Variants in ASTN2 observed in about 807,000 individuals in gnomAD.
The protein encoded by ASTN2 is astrotactin 2.
In ASTN2, 54 loss-of-function variants were observed where a neutral mutation model predicts 139.8. The ratio of observed to expected loss-of-function variants is 0.39; its 90% confidence interval spans 0.31 to 0.48. The LOEUF (loss-of-function observed/expected upper bound fraction) is 0.48, where lower values mean the gene tolerates loss of function less well. ASTN2 is among the 20% of genes least tolerant of loss of function. The pLI, the probability that ASTN2 is intolerant of heterozygous loss-of-function variation, is 0.95. For synonymous variants in ASTN2, 756 were observed against 719.5 expected (o/e 1.05, Z -0.81); for missense variants, 1,565 against 1,725.1 (o/e 0.91, Z 1.64).
intron 5 of ASTN2, among the ~76,000 whole-genome samples, chr9:117,084,474 G>A (rs925608250): frequency 8.5e-5 from 13 of 152,184 alleles, no homozygotes; most frequent in Admixed American, 2.0e-4. Context: ...GGAGCCAACC[G>A]AAACCCAATT....
chr9:117,251,164 A>G (rs1044182250), intron 2 of ASTN2, among the ~76,000 whole-genome samples: 3 of 152,192 alleles, frequency 2.0e-5, no homozygotes, highest in African/African-American at 7.2e-5. Flanking sequence ...CAAGGTCACA[A>G]ATGGAAAGCA....
At chr9:116,560,312 G>C (rs1852840110) in intron 19 of ASTN2, among the ~76,000 whole-genome samples, 1 of 152,172 alleles carries the variant, frequency 6.6e-6, no homozygotes, top group South Asian at 2.1e-4. Flanking sequence ...CTTCATGCCA[G>C]GCACTTTTCT....
At chr9:116,435,903 C>G (rs948763662) in intron 22 of ASTN2, among the ~76,000 whole-genome samples, 1 of 151,946 alleles carries the variant, frequency 6.6e-6, no homozygotes, top group African/African-American at 2.4e-5. Context: ...TCAGACCTAA[C>G]CCAGACTACT....
chr9:117,043,622 A>G (rs1028489791), intron 5 of ASTN2, among the ~76,000 whole-genome samples: 4 of 152,138 alleles, frequency 2.6e-5, no homozygotes, highest in Admixed American at 6.5e-5. Flanking sequence ...AAGAGTCAAC[A>G]TGATGGCTGG....
At chr9:117,047,949 T>A (rs1194519876) in intron 5 of ASTN2, among the ~76,000 whole-genome samples, 1 of 152,130 alleles carries the variant, frequency 6.6e-6, no homozygotes, top group Non-Finnish European at 1.5e-5. Context: ...CAGTATCTCA[T>A]CTAATCTTTA....
At chr9:116,566,774 G>A (rs1261025254) in intron 19 of ASTN2, among the ~76,000 whole-genome samples, 1 of 152,150 alleles carries the variant, frequency 6.6e-6, no homozygotes, top group Non-Finnish European at 1.5e-5. Flanking sequence ...AGCCCATTCT[G>A]GGAGATACAG....
intron 2 of ASTN2, among the ~76,000 whole-genome samples, chr9:117,282,335 T>C (rs1220452376): frequency 6.6e-6 from 1 of 152,246 alleles, no homozygotes; most frequent in African/African-American, 2.4e-5. Context: ...TTATTCTGCA[T>C]TGTGCTTTGG....
At chr9:116,840,289 C>T (rs1374518791) in intron 11 of ASTN2, among the ~76,000 whole-genome samples, 2 of 151,108 alleles carry the variant, frequency 1.3e-5, no homozygotes, top group East Asian at 4.1e-4. Context: ...TCTACACAGA[C>T]ACGGCAACCA....
At chr9:116,555,658 G>T (rs986006943) in intron 19 of ASTN2, among the ~76,000 whole-genome samples, 1 of 152,128 alleles carries the variant, frequency 6.6e-6, no homozygotes, top group African/African-American at 2.4e-5. Context: ...CAGCTCTGGA[G>T]AAGGAAGGAA....
intron 3 of ASTN2, among the ~76,000 whole-genome samples, chr9:117,189,603 T>C (rs908016029): frequency 3.3e-5 from 5 of 152,226 alleles, no homozygotes; most frequent in Non-Finnish European, 7.3e-5. Context: ...ATATATGATT[T>C]CCTTAATTCT....
intron 5 of ASTN2, among the ~76,000 whole-genome samples, chr9:117,049,323 A>T (rs1838846182): frequency 6.6e-6 from 1 of 152,128 alleles, no homozygotes; most frequent in East Asian, 1.9e-4. Flanking sequence ...TCCCTCTTAA[A>T]GCACCCAAGT....
intron 4 of ASTN2, among the ~76,000 whole-genome samples, chr9:117,120,777 A>T (rs1829538399): frequency 6.6e-6 from 1 of 152,238 alleles, no homozygotes; most frequent in Non-Finnish European, 1.5e-5. Context: ...AACTAAAACT[A>T]AAGTCTCATC....
intron 13 of ASTN2, among the ~76,000 whole-genome samples, chr9:116,763,973 C>G (rs993092686): frequency 6.6e-6 from 1 of 152,164 alleles, no homozygotes; most frequent in Non-Finnish European, 1.5e-5. Context: ...CAGGATGTAG[C>G]TTTCACTGAG....
chr9:116,822,406 G>A (rs1028649232), intron 11 of ASTN2, among the ~76,000 whole-genome samples: 2 of 152,150 alleles, frequency 1.3e-5, no homozygotes, highest in African/African-American at 4.8e-5. Context: ...TGTGAGTGAA[G>A]TGCTGTACAT....
intron 10 of ASTN2, among the ~76,000 whole-genome samples, chr9:116,915,248 T>G (rs2041164126): frequency 6.6e-6 from 1 of 152,236 alleles, no homozygotes; most frequent in African/African-American, 2.4e-5. Flanking sequence ...AAAGTTCTCA[T>G]GGCCATGGTC....
At chr9:117,138,781 T>C (rs1830009135) in intron 4 of ASTN2, among the ~76,000 whole-genome samples, 1 of 152,176 alleles carries the variant, frequency 6.6e-6, no homozygotes, top group African/African-American at 2.4e-5. Flanking sequence ...AACTTGTAAA[T>C]TAACTTAAAA....
rs954265730 is a variant in ASTN2, at chr9:117,268,301, C to T, written c.630+23025G>A. ...GGATGGAATTCCTGGAGTCAAATAACCTCTTGGAAAATAAGAGGGTATGGG... is the reference window on the plus strand; with the variant it reads ...GGATGGAATTCCTGGAGTCAAATAATCTCTTGGAAAATAAGAGGGTATGGG... On this transcript the variant is annotated intron_variant, in intron 2 of 22. Transcript: ENST00000313400. Among the ~76,000 whole-genome samples the T allele has an allele frequency of 2.6e-5, 4 of 152,102 alleles. No individual in the cohort carries two copies. In the East Asian group the frequency reaches 7.7e-4, roughly 29 times the overall value.
chr9:116,697,648 C>A (rs904007406), intron 16 of ASTN2: 3 of 1,499,482 alleles, frequency 2.0e-6, no homozygotes, highest in African/African-American at 2.8e-5. Context: ...ATAATGGTTT[C>A]TTTTTCTCTT....
At chr9:116,737,450 CGTGTGTGTGTGTGTGAAT>C (rs1828960440) in intron 13 of ASTN2, among the ~76,000 whole-genome samples, 2 of 134,736 alleles carry the variant, frequency 1.5e-5, no homozygotes, top group African/African-American at 2.9e-5. Context: ...TCTTAGCGCT[CGTGTGTGTGTGTGTGAAT>C]GTGTGTGTGT....
Sources: allele counts gnomAD v4.1 joint callset (sites outside exome capture counted in the v4.1 genomes callset), GRCh38; gene constraint gnomAD v4.1.1; transcripts MANE v1.5; gene names NCBI Gene and HGNC (gene_info 2026-07-23, HGNC 2026-07-21).